Variants in MAD1L1 observed in about 807,000 individuals in gnomAD.
MAD1L1 encodes the protein mitotic arrest deficient 1 like 1.
Under a neutral mutation model 96.9 loss-of-function variants are expected in MAD1L1, and 95 were observed. That is an observed-to-expected ratio of 0.98 (90% CI 0.83 to 1.16). MAD1L1 has a LOEUF of 1.16. Among genes scored for constraint, MAD1L1 ranks in the 50% most tolerant of loss-of-function variants. The pLI, the probability that MAD1L1 is intolerant of heterozygous loss-of-function variation, is 0.00. For synonymous variants in MAD1L1, 473 were observed against 396.6 expected, an observed-to-expected ratio of 1.19 and a Z score of -2.29; for missense variants, 1,007 against 954.4, an observed-to-expected ratio of 1.06 and a Z score of -0.73.
chr7:2,202,500 A>G (rs1012055046), intron 10 of MAD1L1, among the ~76,000 whole-genome samples: 2 of 152,168 alleles, frequency 1.3e-5, no homozygotes, highest in Non-Finnish European at 2.9e-5. Context: ...AGAGCAGCTC[A>G]TGGTGAACGA....
chr7:2,147,428 G>A (rs142064498), intron 11 of MAD1L1, among the ~76,000 whole-genome samples: 9 of 152,224 alleles, frequency 5.9e-5, no homozygotes, highest in African/African-American at 1.4e-4. Flanking sequence ...TAAGCCACAC[G>A]TGGGACAGAA....
At chr7:2,169,356 A>C (rs1562750323) in intron 10 of MAD1L1, among the ~76,000 whole-genome samples, 1 of 152,192 alleles carries the variant, frequency 6.6e-6, no homozygotes, top group Non-Finnish European at 1.5e-5. Context: ...TGTAAAGAAC[A>C]TTACTTGTGC....
chr7:2,094,571 G>A (rs751533387), intron 11 of MAD1L1, among the ~76,000 whole-genome samples: 9 of 152,232 alleles, frequency 5.9e-5, no homozygotes, highest in South Asian at 2.1e-4. Flanking sequence ...TGAAAGACAG[G>A]AAGGAAAGTC....
Position 2,136,663 on chromosome 7 carries a change from G to A in MAD1L1, c.1073+12489C>T, listed in dbSNP as rs79166529. On this transcript the variant is annotated intron_variant, in intron 11 of 18. Transcript: ENST00000265854. ...AGACTCTGAGCCAGCTGCATTCCTC[G>A]GTGGGGGCCCTTCCCATCTCTTGGC... Among the ~76,000 whole-genome samples the A allele has an allele frequency of 9.7e-3, 1,470 of 152,314 alleles. 26 individuals are homozygous for A. The highest frequency in any genetic ancestry group is 0.033 in the African/African-American group (1,380 of 41,566).
At chr7:1,995,486 G>A (rs1035079108) in intron 14 of MAD1L1, among the ~76,000 whole-genome samples, 1 of 152,240 alleles carries the variant, frequency 6.6e-6, no homozygotes, top group African/African-American at 2.4e-5. Context: ...AGCAAGAGAG[G>A]TGACAGGTGT....
At chr7:1,848,294 G>A (rs4719318) in intron 18 of MAD1L1, 58,211 of 161,342 alleles carry the variant, frequency 0.36, 10,771 homozygotes, top group East Asian at 0.45. Context: ...GCTGACCATC[G>A]GCCACTCGGG....
chr7:1,874,423 T>C (rs55934553), intron 18 of MAD1L1: 119,733 of 423,484 alleles, frequency 0.28, 21,331 homozygotes, highest in African/African-American at 0.64. Context: ...GGCCGTGACA[T>C]CGAGGGTAGC....
At chr7:2,165,632 G>A (rs1055884844) in intron 10 of MAD1L1, among the ~76,000 whole-genome samples, 5 of 152,202 alleles carry the variant, frequency 3.3e-5, no homozygotes, top group Non-Finnish European at 7.3e-5. Context: ...ACTAAACCAA[G>A]GTGGTGTCCA....
intron 12 of MAD1L1, among the ~76,000 whole-genome samples, chr7:2,027,791 T>C (rs1216530572): frequency 6.6e-6 from 1 of 152,224 alleles, no homozygotes; most frequent in Non-Finnish European, 1.5e-5. Context: ...AAGCTTTTCT[T>C]CTGATGATGC....
chr7:2,159,173 A>C (rs1789980692), intron 10 of MAD1L1, among the ~76,000 whole-genome samples: 1 of 152,242 alleles, frequency 6.6e-6, no homozygotes, highest in South Asian at 2.1e-4. Context: ...ACGCAGCAGC[A>C]AACCCTCGTC....
chr7:2,075,072 G>A (rs1785311116), intron 11 of MAD1L1, among the ~76,000 whole-genome samples: 1 of 152,162 alleles, frequency 6.6e-6, no homozygotes, highest in African/African-American at 2.4e-5. Context: ...GGAAGGCAAG[G>A]AGCAGGCTGG....
At chr7:2,122,930 C>T (rs1032005891) in intron 11 of MAD1L1, among the ~76,000 whole-genome samples, 1 of 152,228 alleles carries the variant, frequency 6.6e-6, no homozygotes, top group African/African-American at 2.4e-5. Flanking sequence ...CACCGTCTGC[C>T]CATCCTGCCC....
At chr7:1,843,345 G>T (rs1195933686) in intron 18 of MAD1L1, among the ~76,000 whole-genome samples, 2 of 152,166 alleles carry the variant, frequency 1.3e-5, no homozygotes, top group East Asian at 3.9e-4. Flanking sequence ...CTGGCCCCGG[G>T]GAGCTCCTGC....
chr7:2,071,018 A>G (rs1260870941), intron 11 of MAD1L1, among the ~76,000 whole-genome samples: 5 of 142,342 alleles, frequency 3.5e-5, no homozygotes, highest in African/African-American at 1.3e-4. Context: ...GGGCTGGTGG[A>G]TGGCGCTTTC....
At chr7:2,207,526 T>C (rs1156607314) in intron 10 of MAD1L1, among the ~76,000 whole-genome samples, 2 of 151,996 alleles carry the variant, frequency 1.3e-5, no homozygotes, top group Admixed American at 1.3e-4. Context: ...AACCCACAAA[T>C]AAGGCCAGGG....
At chr7:2,004,484 G>C (rs1781940711) in intron 13 of MAD1L1, among the ~76,000 whole-genome samples, 1 of 152,232 alleles carries the variant, frequency 6.6e-6, no homozygotes, top group Non-Finnish European at 1.5e-5. Flanking sequence ...CACTTTACAG[G>C]AGCAGCTTAG....
At chr7:1,845,331 G>C (rs954697964) in intron 18 of MAD1L1, 1 of 152,314 alleles carries the variant, frequency 6.6e-6, no homozygotes, top group East Asian at 1.9e-4. Context: ...TCTGACCTTG[G>C]TGTGTTACAG....
At chr7:2,098,543 T>C (rs761058399) in intron 11 of MAD1L1, among the ~76,000 whole-genome samples, 1 of 152,168 alleles carries the variant, frequency 6.6e-6, no homozygotes, top group Non-Finnish European at 1.5e-5. Flanking sequence ...GTGTATGGTC[T>C]CTTGCCTGGT....
chr7:1,899,910 G>A (rs887940791), intron 17 of MAD1L1, among the ~76,000 whole-genome samples: 6 of 152,234 alleles, frequency 3.9e-5, no homozygotes, highest in South Asian at 2.1e-4. Flanking sequence ...GATGGAGGAC[G>A]CGGGAGGGGC....
Sources: gnomAD v4.1 joint callset for allele counts (sites outside exome capture counted in the v4.1 genomes callset) on GRCh38, gnomAD v4.1.1 for gene constraint, MANE v1.5 for transcripts, NCBI Gene and HGNC (gene_info 2026-07-23, HGNC 2026-07-21) for gene names.